MAD1L1: variants seen among roughly 807,000 people sequenced by gnomAD.
The protein encoded by MAD1L1 is mitotic arrest deficient 1 like 1.
A neutral mutation model predicts 96.9 loss-of-function variants in MAD1L1; 95 were observed. That is an observed-to-expected ratio of 0.98 (90% CI 0.83 to 1.16). The LOEUF (loss-of-function observed/expected upper bound fraction) is 1.16. Ranked by LOEUF, MAD1L1 falls within the 50% of genes most tolerant of loss-of-function variation. The pLI is 0.00. For missense variants in MAD1L1, 1,007 were observed against 954.4 expected, an observed-to-expected ratio of 1.06 and a Z score of -0.73; for synonymous variants, 473 against 396.6, an observed-to-expected ratio of 1.19 and a Z score of -2.29.
intron 11 of MAD1L1, among the ~76,000 whole-genome samples, chr7:2,127,791 G>C (rs577805835): frequency 2.0e-5 from 3 of 152,136 alleles, no homozygotes; most frequent in African/African-American, 7.2e-5. Flanking sequence ...GGCGTCAGGG[G>C]AGCAGACGCC....
chr7:2,216,025 A>C (rs777875260), intron 8 of MAD1L1, 26 bp from the exon 9 acceptor site: 2 of 1,613,050 alleles, frequency 1.2e-6, no homozygotes, highest in Admixed American at 3.3e-5. Flanking sequence ...AGAGTCGCTC[A>C]AATAGCCACA....
At chr7:1,987,092 T>A (rs955393363) in intron 14 of MAD1L1, among the ~76,000 whole-genome samples, 16 of 152,038 alleles carry the variant, frequency 1.1e-4, no homozygotes, top group Admixed American at 6.6e-4. Context: ...ACCATTTAGA[T>A]CCAGTGGAAA....
chr7:2,077,327 C>A (rs1163426229), intron 11 of MAD1L1, among the ~76,000 whole-genome samples: 1 of 152,218 alleles, frequency 6.6e-6, no homozygotes, highest in African/African-American at 2.4e-5. Context: ...CAAGACCCAC[C>A]CACAAGTATG....
chr7:2,186,316 G>C (rs1207460275), intron 10 of MAD1L1, among the ~76,000 whole-genome samples: 1 of 152,184 alleles, frequency 6.6e-6, no homozygotes, highest in Non-Finnish European at 1.5e-5. Context: ...TGTAGTGTAT[G>C]CTAATAAGGA....
intron 15 of MAD1L1, among the ~76,000 whole-genome samples, chr7:1,977,535 C>T (rs1053924894): frequency 1.5e-4 from 23 of 152,234 alleles, no homozygotes; most frequent in Non-Finnish European, 1.6e-4. Flanking sequence ...GAGCCGGCTC[C>T]GGCCTCGGCC....
chr7:2,119,440 A>G lies in MAD1L1; in HGVS notation c.1073+29712T>C, dbSNP rs896868904. ...ATGAGCAGGAGCTGTCGTGGGGCGC[A>G]CACTCTCTGTAGCTGGCCAAAGCTG... On this transcript the variant is annotated intron_variant, in intron 11 of 18. Coordinates refer to ENST00000265854, the MANE Select transcript of MAD1L1 (RefSeq NM_001013836.2). The surrounding 1 kb of genome is among the most constrained non-coding windows in gnomAD (Gnocchi z 4.6). Among the ~76,000 whole-genome samples the G allele has an allele frequency of 2.0e-5, 3 of 151,966 alleles. No homozygotes were observed. Among genetic ancestry groups the G allele is most frequent in the South Asian group, 2.1e-4 (1 of 4,800 alleles).
rs1254810866 is a variant in MAD1L1, at chr7:1,904,923, G to A, written c.1808-6533C>T. 3.3e-5 allele frequency among the ~76,000 whole-genome samples: 3 copies of A among 91,086 alleles called. 1 individual carries two copies. Among genetic ancestry groups the A allele is most frequent in the African/African-American group, 1.3e-4 (3 of 23,510 alleles). 59.8% of individuals were successfully genotyped at this position (91,086 alleles called of 152,430 possible). On this transcript the variant is annotated intron_variant, in intron 17 of 18. Transcript: ENST00000265854. ...AAGGATGCAGTCGCCTATGGAAGAC[G>A]TTCTTGTGGAACTCATGATTGATGA... is the stretch of plus-strand genomic sequence containing the variant.
intron 12 of MAD1L1, among the ~76,000 whole-genome samples, chr7:2,057,312 C>T (rs1003054798): frequency 1.3e-5 from 2 of 152,206 alleles, no homozygotes; most frequent in Admixed American, 6.5e-5. Flanking sequence ...GATCACTTGA[C>T]GTGAGAAGTT....
In MAD1L1 at chr7:2,103,594, G is replaced by A. The variant is rs1218369206; in HGVS notation, c.1074-34256C>T. Among the ~76,000 whole-genome samples the A allele has an allele frequency of 2.0e-5, 3 of 152,128 alleles. No individual in the cohort carries two copies. Among genetic ancestry groups the A allele is most frequent in the Non-Finnish European group, 4.4e-5 (3 of 68,014 alleles). On this transcript the variant is annotated intron_variant, in intron 11 of 18. Coordinates refer to ENST00000265854, the MANE Select transcript of MAD1L1 (RefSeq NM_001013836.2). The surrounding 1 kb of genome is among the most constrained non-coding windows in gnomAD (Gnocchi z 4.3). ...AAAGCCCACCACCAGGCAGCCCTGGGAGCCCCTGCGAAGGCCTCTCAGGAG... is the reference window on the plus strand; with the variant it reads ...AAAGCCCACCACCAGGCAGCCCTGGAAGCCCCTGCGAAGGCCTCTCAGGAG...
chr7:2,005,083 G>A (rs934627081), intron 13 of MAD1L1, among the ~76,000 whole-genome samples: 3 of 152,184 alleles, frequency 2.0e-5, no homozygotes, highest in African/African-American at 7.2e-5. Context: ...GAGGACGACC[G>A]CACGTCAGCA....
At chr7:2,118,280 G>A (rs886960853) in intron 11 of MAD1L1, among the ~76,000 whole-genome samples, 2 of 152,200 alleles carry the variant, frequency 1.3e-5, no homozygotes, top group Admixed American at 6.5e-5. Context: ...GGGCTCCTCT[G>A]CAGAACGGGG....
chr7:2,194,265 A>G (rs375081654), intron 10 of MAD1L1, among the ~76,000 whole-genome samples: 43 of 152,290 alleles, frequency 2.8e-4, no homozygotes, highest in African/African-American at 1.0e-3. Flanking sequence ...CAGCCTCTGC[A>G]TGGATTTTTT....
At chr7:1,829,983 C>G (rs1365600967) in intron 18 of MAD1L1, among the ~76,000 whole-genome samples, 2 of 152,100 alleles carry the variant, frequency 1.3e-5, no homozygotes, top group Non-Finnish European at 2.9e-5. Flanking sequence ...ATATCTCCCC[C>G]CAAATAAAGA....
At position 1,832,617 on chromosome 7, in the gene MAD1L1, G is replaced by GTTTT. The variant is rs1554266480; in HGVS notation, c.1999-16393_1999-16390dup. Among the ~76,000 whole-genome samples, 14 of 48,936 alleles carry GTTTT rather than the reference G, an allele frequency of 2.9e-4. 1 individual carries two copies. The highest frequency in any genetic ancestry group is 5.7e-4 in the African/African-American group (5 of 8,750). The allele number at this position is 48,936 out of a possible 152,430, so 32.1% of individuals were successfully genotyped here. On this transcript the variant is annotated intron_variant, in intron 18 of 18. Coordinates refer to ENST00000265854, the MANE Select transcript of MAD1L1 (RefSeq NM_001013836.2). ...TCAATGTGGCCAGCTTCATTGCTGT[G>GTTTT]TTTTTTTTTTTTTGGCGGGGGGGGG...
chr7:1,947,583 G>A (rs532992728), intron 16 of MAD1L1, among the ~76,000 whole-genome samples: 13 of 122,944 alleles, frequency 1.1e-4, no homozygotes, highest in Non-Finnish European at 1.8e-4. Flanking sequence ...TCTCCTGCCC[G>A]TGGCCTTGCC....
chr7:1,945,018 C>T (rs1052908865), intron 16 of MAD1L1, among the ~76,000 whole-genome samples: 26 of 152,200 alleles, frequency 1.7e-4, no homozygotes, highest in Non-Finnish European at 2.9e-5. Flanking sequence ...CAGCCCCTCA[C>T]CTGGGCCGTC....
chr7:1,818,135 T>C (rs920193484), intron 18 of MAD1L1, among the ~76,000 whole-genome samples: 3 of 152,018 alleles, frequency 2.0e-5, no homozygotes, highest in African/African-American at 7.2e-5. Context: ...ATTCTGAATT[T>C]CTCCCCCTAA....
At chr7:1,966,432 G>A (rs1391104955) in intron 15 of MAD1L1, among the ~76,000 whole-genome samples, 3 of 152,136 alleles carry the variant, frequency 2.0e-5, no homozygotes, top group African/African-American at 4.8e-5. Context: ...GCCACAAGAC[G>A]GCCCATGCAG....
chr7:2,194,986 G>A (rs889855817), intron 10 of MAD1L1, among the ~76,000 whole-genome samples: 1 of 152,044 alleles, frequency 6.6e-6, no homozygotes, highest in African/African-American at 2.4e-5. Flanking sequence ...TACTCGGGAG[G>A]CTGAGGCAGG....
Sources: gnomAD v4.1 joint callset for allele counts (sites outside exome capture counted in the v4.1 genomes callset) on GRCh38, gnomAD v4.1.1 for gene constraint, Gnocchi (gnomAD v3.1) non-coding constraint, MANE v1.5 for transcripts, NCBI Gene and HGNC (gene_info 2026-07-23, HGNC 2026-07-21) for gene names.